Variants in TMEM200A observed in about 807,000 individuals in gnomAD.
The protein encoded by TMEM200A is two transmembrane C.
Under a neutral mutation model 24.3 loss-of-function variants are expected in TMEM200A, and 12 were observed. The observed-to-expected ratio is 0.49, with a 90% CI of 0.32 to 0.80. TMEM200A has a LOEUF of 0.80. Ranked by LOEUF, TMEM200A falls within the 30% of genes least tolerant of loss-of-function variation. The pLI, the probability that TMEM200A is intolerant of heterozygous loss-of-function variation, is 0.04. For synonymous variants in TMEM200A, 224 were observed against 224.4 expected, an observed-to-expected ratio of 1.00 and a Z score of 0.02; for missense variants, 545 against 614.4, an observed-to-expected ratio of 0.89 and a Z score of 1.19.
intron 2 of TMEM200A, among the ~76,000 whole-genome samples, chr6:130,398,294 A>G (rs1442722826): frequency 6.6e-6 from 1 of 152,116 alleles, no homozygotes; most frequent in African/African-American, 2.4e-5. Context: ...TGCAAAGGAC[A>G]TTATTTAATT....
chr6:130,409,793 G>A (rs1422160642), intron 2 of TMEM200A, among the ~76,000 whole-genome samples: 1 of 151,478 alleles, frequency 6.6e-6, no homozygotes, highest in Non-Finnish European at 1.5e-5. Context: ...ATTCTCTATG[G>A]AATAATATGG....
chr6:130,371,021 C>A (rs1778309899), intron 1 of TMEM200A, among the ~76,000 whole-genome samples: 2 of 152,050 alleles, frequency 1.3e-5, no homozygotes, highest in South Asian at 2.1e-4. Context: ...GATAGGTTTC[C>A]AATTAGAGTA....
chr6:130,402,648 G>A (rs1779116124), intron 2 of TMEM200A, among the ~76,000 whole-genome samples: 1 of 151,888 alleles, frequency 6.6e-6, no homozygotes, highest in Admixed American at 6.6e-5. Flanking sequence ...GGAATATACT[G>A]CAGACACAAA....
intron 2 of TMEM200A, among the ~76,000 whole-genome samples, chr6:130,428,681 G>C (rs181648735): frequency 1.2e-4 from 18 of 152,292 alleles, no homozygotes; most frequent in Non-Finnish European, 1.5e-5. Flanking sequence ...GTTTACCTTT[G>C]CTCTGGAGGC....
intron 2 of TMEM200A, among the ~76,000 whole-genome samples, chr6:130,408,559 A>C (rs570753474): frequency 6.6e-6 from 1 of 152,170 alleles, no homozygotes; most frequent in African/African-American, 2.4e-5. Flanking sequence ...CAAAGAGGAC[A>C]TGAGACATGT....
intron 2 of TMEM200A, among the ~76,000 whole-genome samples, chr6:130,401,332 A>C (rs1242226704): frequency 6.6e-6 from 1 of 151,722 alleles, no homozygotes; most frequent in Non-Finnish European, 1.5e-5. Context: ...AATCCCTATT[A>C]CAGATAATTT....
intron 2 of TMEM200A, among the ~76,000 whole-genome samples, chr6:130,388,528 A>G (rs1427824959): frequency 6.6e-6 from 1 of 152,174 alleles, no homozygotes. Flanking sequence ...ACATGTTTTC[A>G]TTCATGCATA....
chr6:130,433,625 T>A (rs910789178), intron 2 of TMEM200A, among the ~76,000 whole-genome samples: 1 of 152,208 alleles, frequency 6.6e-6, no homozygotes, highest in African/African-American at 2.4e-5. Context: ...AATATTTCCA[T>A]CTGTCACATT....
chr6:130,388,488 T>C (rs1283671608), intron 2 of TMEM200A, among the ~76,000 whole-genome samples: 1 of 152,246 alleles, frequency 6.6e-6, no homozygotes, highest in East Asian at 1.9e-4. Context: ...GTTCTGTTTC[T>C]GTAGATGTTA....
chr6:130,386,694 T>C (rs1778718980), intron 2 of TMEM200A, among the ~76,000 whole-genome samples: 1 of 152,180 alleles, frequency 6.6e-6, no homozygotes, highest in African/African-American at 2.4e-5. Context: ...AAGATTTTGT[T>C]TTCACCAAAA....
chr6:130,398,522 G>T (rs1211427649), intron 2 of TMEM200A, among the ~76,000 whole-genome samples: 1 of 151,868 alleles, frequency 6.6e-6, no homozygotes, highest in Non-Finnish European at 1.5e-5. Flanking sequence ...AGATTGCTGG[G>T]TTGAATGGTA....
At chr6:130,399,994 G>C (rs1032687995) in intron 2 of TMEM200A, among the ~76,000 whole-genome samples, 5 of 151,762 alleles carry the variant, frequency 3.3e-5, no homozygotes, top group African/African-American at 1.2e-4. Context: ...TCTCATCCAG[G>C]TCATCGCAAA....
intron 1 of TMEM200A, among the ~76,000 whole-genome samples, chr6:130,380,471 A>C (rs1331294462): frequency 6.6e-6 from 1 of 152,378 alleles, no homozygotes; most frequent in South Asian, 2.1e-4. Flanking sequence ...AAGTGATTGA[A>C]TAGCTAGCAG....
At chr6:130,371,843 T>A (rs1778328134) in intron 1 of TMEM200A, among the ~76,000 whole-genome samples, 1 of 152,182 alleles carries the variant, frequency 6.6e-6, no homozygotes, top group African/African-American at 2.4e-5. Flanking sequence ...ATATCCTTCC[T>A]GGTGTAAGTT....
chr6:130,384,513 T>A (rs1178922418), intron 1 of TMEM200A, among the ~76,000 whole-genome samples: 1 of 152,164 alleles, frequency 6.6e-6, no homozygotes, highest in Non-Finnish European at 1.5e-5. Context: ...GGTCTTGCTA[T>A]GTTGCCAAGG....
chr6:130,432,354 G>T (rs572642956), intron 2 of TMEM200A, among the ~76,000 whole-genome samples: 1 of 152,172 alleles, frequency 6.6e-6, no homozygotes, highest in Non-Finnish European at 1.5e-5. Context: ...CACAAGACAG[G>T]TCTCCGAATC....
At chr6:130,421,476 G>A (rs925363935) in intron 2 of TMEM200A, 12 of 146,650 alleles carry the variant, frequency 8.2e-5, no homozygotes, top group Admixed American at 6.3e-4. Context: ...CTATAGTCAA[G>A]CTAATTAACA....
At chr6:130,391,031 G>C (rs1156995491) in intron 2 of TMEM200A, among the ~76,000 whole-genome samples, 1 of 152,142 alleles carries the variant, frequency 6.6e-6, no homozygotes, top group Non-Finnish European at 1.5e-5. Flanking sequence ...TCCTCTGCGG[G>C]ACAAAAATGC....
At chr6:130,369,358 T>TA (rs1778259875) in intron 1 of TMEM200A, among the ~76,000 whole-genome samples, 1 of 152,150 alleles carries the variant, frequency 6.6e-6, no homozygotes, top group Admixed American at 6.5e-5. Flanking sequence ...TAGGAGAAGC[T>TA]AAAGCTCACT....
Sources: gnomAD v4.1 joint callset for allele counts (sites outside exome capture counted in the v4.1 genomes callset) on GRCh38, gnomAD v4.1.1 for gene constraint, MANE v1.5 for transcripts, NCBI Gene and HGNC (gene_info 2026-07-23, HGNC 2026-07-21) for gene names.